The following LDLRAD3 variants were observed in gnomAD, a reference collection of about 807,000 sequenced individuals.
LDLRAD3 encodes low density lipoprotein receptor class A domain containing 3.
Under a neutral mutation model 29.4 loss-of-function variants are expected in LDLRAD3, and 20 were observed. The ratio of observed to expected loss-of-function variants is 0.68; its 90% CI spans 0.48 to 0.99. LDLRAD3 has a LOEUF of 0.99. Among genes scored for constraint, LDLRAD3 ranks in the 50% least tolerant of loss-of-function variants. The probability of loss-of-function intolerance (pLI) is 0.00; values close to 1 mark genes in which losing one functional copy is unlikely to be tolerated. For synonymous variants in LDLRAD3, 157 were observed against 192.7 expected, an observed-to-expected ratio of 0.81 and a Z score of 1.53; for missense variants, 420 against 454.3, an observed-to-expected ratio of 0.92 and a Z score of 0.69.
chr11:36,160,669 C>A (rs1399683804), intron 4 of LDLRAD3, among the ~76,000 whole-genome samples: 1 of 151,782 alleles, frequency 6.6e-6, no homozygotes, highest in Non-Finnish European at 1.5e-5. Flanking sequence ...ATCGTTTACC[C>A]TTTCATATTG....
intron 4 of LDLRAD3, among the ~76,000 whole-genome samples, chr11:36,204,102 T>C (rs1254568454): frequency 1.1e-4 from 16 of 152,184 alleles, no homozygotes; most frequent in Admixed American, 9.8e-4. Flanking sequence ...AGCAATTTCC[T>C]TCTTCTGTAG....
intron 1 of LDLRAD3, among the ~76,000 whole-genome samples, chr11:36,024,346 C>CTA (rs1457620625): frequency 1.3e-5 from 2 of 151,888 alleles, no homozygotes; most frequent in Non-Finnish European, 2.9e-5. Flanking sequence ...ATATCCATAT[C>CTA]TATATCTATA....
At position 36,035,712 on chromosome 11, in the gene LDLRAD3, T is replaced by C. The variant is rs547863809; in HGVS notation, c.47-391T>C. On this transcript the variant is annotated intron_variant, in intron 1 of 5. Coordinates refer to ENST00000315571, the MANE Select transcript of LDLRAD3 (RefSeq NM_174902.4). ...ACAGAGTGTGAGGCCTGGAAAGATC[T>C]TGCAGTTCCTAATGTTGGAGACATT... Among the ~76,000 whole-genome samples the C allele has an allele frequency of 2.0e-5, 3 of 152,314 alleles. No individual in the cohort carries two copies. The East Asian group carries it at 5.8e-4, about 29-fold the overall frequency.
At chr11:36,220,130 A>C (rs182533066) in intron 4 of LDLRAD3, among the ~76,000 whole-genome samples, 332 of 152,308 alleles carry the variant, frequency 2.2e-3, no homozygotes, top group African/African-American at 7.7e-3. Context: ...TTTAAGTGGT[A>C]TCAATAAGAT....
At chr11:36,125,444 C>G (rs753751449) in intron 4 of LDLRAD3, among the ~76,000 whole-genome samples, 7 of 152,168 alleles carry the variant, frequency 4.6e-5, no homozygotes, top group Non-Finnish European at 1.0e-4. Flanking sequence ...TGTACAGTGC[C>G]TAATACGCAG....
chr11:36,080,093 T>A (rs1359116281), intron 2 of LDLRAD3, among the ~76,000 whole-genome samples: 1 of 152,216 alleles, frequency 6.6e-6, no homozygotes, highest in African/African-American at 2.4e-5. Context: ...AGTCAGCATG[T>A]TACAGACAGC....
intron 5 of LDLRAD3, 97 bp downstream of exon 5, chr11:36,227,527 C>A: frequency 1.0e-6 from 1 of 957,942 alleles, no homozygotes; most frequent in Non-Finnish European, 1.5e-6. Context: ...TTGCCAAGAG[C>A]CTGGCTTCAG....
chr11:36,005,982 G>A (rs1851880290), intron 1 of LDLRAD3, among the ~76,000 whole-genome samples: 1 of 152,048 alleles, frequency 6.6e-6, no homozygotes, highest in South Asian at 2.1e-4. Flanking sequence ...CTCCTACTAG[G>A]CCCCTCCTCC....
chr11:35,994,168 GA>G (rs1851722901), intron 1 of LDLRAD3, among the ~76,000 whole-genome samples: 1 of 151,654 alleles, frequency 6.6e-6, no homozygotes, highest in African/African-American at 2.4e-5. Flanking sequence ...TTCAGTTCCA[GA>G]CCACCACAAT....
At chr11:36,026,008 G>A (rs1196151992) in intron 1 of LDLRAD3, among the ~76,000 whole-genome samples, 5 of 146,408 alleles carry the variant, frequency 3.4e-5, no homozygotes, top group East Asian at 2.1e-4. Context: ...TCAAACTCCC[G>A]ACCTTAGATG....
At chr11:36,029,463 G>A (rs1390248515) in intron 1 of LDLRAD3, among the ~76,000 whole-genome samples, 1 of 152,042 alleles carries the variant, frequency 6.6e-6, no homozygotes, top group East Asian at 1.9e-4. Context: ...TTCCAGAGTT[G>A]CTGTCAGACC....
chr11:36,091,568 T>A (rs1206630721), intron 3 of LDLRAD3, among the ~76,000 whole-genome samples: 1 of 151,548 alleles, frequency 6.6e-6, no homozygotes, highest in Admixed American at 6.6e-5. Context: ...TTTAGAACCC[T>A]GTGTTTTTTT....
chr11:36,195,057 C>T (rs1855011965), intron 4 of LDLRAD3, among the ~76,000 whole-genome samples: 1 of 152,104 alleles, frequency 6.6e-6, no homozygotes, highest in African/African-American at 2.4e-5. Context: ...GGAGTGAGGA[C>T]CATACTTCTG....
rs771988477 is a variant in LDLRAD3 at position 36,081,699 on chromosome 11, C to T, written c.240C>T (p.Ser80=). The change falls in exon 3 of 6, where the codon AGC becomes AGT. Residue 80 remains serine (S), a synonymous_variant. Transcript: ENST00000315571. ...KCGPTFFPCA[S]GIHCIIGRFR... ...GCCCAACCTTCTTCCCCTGTGCCAG[C>T]GGCATCCATTGCATCATTGGTCGCT... The T allele has an allele frequency of 1.3e-5, 21 of 1,614,072 alleles. No individual in the cohort carries two copies. Among genetic ancestry groups the T allele is most frequent in the Non-Finnish European group, 1.7e-5 (20 of 1,180,026 alleles).
At chr11:36,203,179 C>T (rs773949399) in intron 4 of LDLRAD3, among the ~76,000 whole-genome samples, 48 of 151,914 alleles carry the variant, frequency 3.2e-4, no homozygotes, top group African/African-American at 6.8e-4. Flanking sequence ...CATAGTTCAC[C>T]GTGACCTTGA....
Position 35,944,074 on chromosome 11 carries a change from G to C in LDLRAD3, c.-25G>C, listed in dbSNP as rs927944723. 17 of 1,076,508 alleles carry C rather than the reference G, an allele frequency of 1.6e-5. No individual in the cohort carries two copies. The East Asian group carries it at 9.1e-4, about 58-fold the overall frequency. 66.7% of individuals were successfully genotyped at this position (1,076,508 alleles called of 1,614,324 possible). A position where few individuals can be genotyped will look rare whatever the true frequency, so the allele number is the denominator to read the frequency against. ...AGGCCGCGGGGGCAGCAACGACGCCGGGCAGCGGGAGCGGCGGCCGCGCCA... is the reference window on the plus strand; with the variant it reads ...AGGCCGCGGGGGCAGCAACGACGCCCGGCAGCGGGAGCGGCGGCCGCGCCA... On this transcript the variant is annotated 5_prime_UTR_variant, in exon 1 of 6. Coordinates refer to ENST00000315571, the MANE Select transcript of LDLRAD3 (RefSeq NM_174902.4). This position sits in a 1 kb window ranked among gnomAD's most constrained non-coding sequence, Gnocchi z 4.9.
chr11:35,986,488 A>G (rs1196830894), intron 1 of LDLRAD3, among the ~76,000 whole-genome samples: 7 of 152,226 alleles, frequency 4.6e-5, no homozygotes. Context: ...TAGTCAGGGT[A>G]GGAGAGGTCT....
intron 4 of LDLRAD3, chr11:36,196,891 A>G (rs1005640449): frequency 1.3e-5 from 2 of 152,170 alleles, no homozygotes; most frequent in Non-Finnish European, 2.9e-5. Flanking sequence ...CTCCCTATCC[A>G]TTCTCTAGGA....
intron 4 of LDLRAD3, among the ~76,000 whole-genome samples, chr11:36,150,000 A>G (rs993035574): frequency 6.6e-6 from 1 of 152,016 alleles, no homozygotes; most frequent in Non-Finnish European, 1.5e-5. Context: ...TGGAATAGGG[A>G]GTGTGGTAGG....
Sources: gnomAD v4.1 joint callset for allele counts (sites outside exome capture counted in the v4.1 genomes callset) on GRCh38, gnomAD v4.1.1 for gene constraint, Gnocchi (gnomAD v3.1) non-coding constraint, MANE v1.5 for transcripts, NCBI Gene and HGNC (gene_info 2026-07-23, HGNC 2026-07-21) for gene names.